CACNA2D1: variants seen among roughly 807,000 people sequenced by gnomAD.
CACNA2D1 encodes the protein calcium voltage-gated channel auxiliary subunit alpha2delta 1, also known as voltage-dependent calcium channel subunit alpha-2/delta-1.
A neutral mutation model predicts 171.5 loss-of-function variants in CACNA2D1; 53 were observed. That is an observed-to-expected ratio of 0.31 (90% CI 0.25 to 0.39). The LOEUF (loss-of-function observed/expected upper bound fraction) is 0.39. Among genes scored for constraint, CACNA2D1 ranks in the 10% least tolerant of loss-of-function variants. The pLI is 1.00. For missense variants in CACNA2D1, 903 were observed against 1,299.8 expected (o/e 0.69, Z 4.69); for synonymous variants, 442 against 443.1 (o/e 1.00, Z 0.03).
chr7:82,214,494 A>T (rs1800905525), intron 3 of CACNA2D1, among the ~76,000 whole-genome samples: 1 of 150,124 alleles, frequency 6.7e-6, no homozygotes, highest in South Asian at 2.1e-4. Flanking sequence ...TAAAAATCCC[A>T]GCAGCTGGGA....
At chr7:82,066,701 C>G (rs185323190) in intron 7 of CACNA2D1, among the ~76,000 whole-genome samples, 177 bp from the exon 8 acceptor site, 1 of 152,008 alleles carries the variant, frequency 6.6e-6, no homozygotes, top group Non-Finnish European at 1.5e-5. Flanking sequence ...GAAAACAACA[C>G]GGCAGTACAA....
intron 1 of CACNA2D1, among the ~76,000 whole-genome samples, chr7:82,374,374 C>T (rs978325): frequency 0.62 from 95,020 of 152,032 alleles, 30,260 homozygotes; most frequent in Middle Eastern, 0.74. Flanking sequence ...CAAATCAGAG[C>T]GTACAGACAC....
chr7:81,972,232 A>G (rs1004834006), intron 25 of CACNA2D1, among the ~76,000 whole-genome samples: 8 of 151,360 alleles, frequency 5.3e-5, no homozygotes, highest in Admixed American at 1.3e-4. Context: ...TTTAATGTAT[A>G]CACACATAAA....
chr7:82,078,896 T>A (rs1809339711), intron 7 of CACNA2D1, among the ~76,000 whole-genome samples: 1 of 148,904 alleles, frequency 6.7e-6, no homozygotes. Flanking sequence ...AGAAAGAGGG[T>A]GGAGAAAGAG....
At chr7:82,199,537 A>G (rs78958912) in intron 3 of CACNA2D1, among the ~76,000 whole-genome samples, 1 of 152,228 alleles carries the variant, frequency 6.6e-6, no homozygotes, top group East Asian at 1.9e-4. Flanking sequence ...TACAGAAACA[A>G]AGATTCTAAT....
chr7:82,354,219 C>T (rs1237199973), intron 1 of CACNA2D1, among the ~76,000 whole-genome samples: 1 of 152,138 alleles, frequency 6.6e-6, no homozygotes, highest in Non-Finnish European at 1.5e-5. Flanking sequence ...TCTGAAGGCT[C>T]CTGTGTCACA....
At chr7:82,200,922 C>T (rs562487269) in intron 3 of CACNA2D1, among the ~76,000 whole-genome samples, 2 of 152,240 alleles carry the variant, frequency 1.3e-5, no homozygotes, top group African/African-American at 4.8e-5. Context: ...ATAAGGCATG[C>T]GTGTGCATAT....
intron 31 of CACNA2D1, 37 bp from the exon 32 acceptor site, chr7:81,965,702 A>G: frequency 2.4e-6 from 3 of 1,263,350 alleles, no homozygotes; most frequent in Non-Finnish European, 3.5e-6. Flanking sequence ...ACATTTTTAG[A>G]AAGGTTAGGA....
intron 3 of CACNA2D1, among the ~76,000 whole-genome samples, chr7:82,250,147 T>TA (rs1384513026): frequency 1.3e-5 from 2 of 152,192 alleles, no homozygotes; most frequent in Admixed American, 6.5e-5. Context: ...ACATTGACAT[T>TA]AATCCATTCA....
chr7:82,160,407 A>C (rs747581425), intron 4 of CACNA2D1, among the ~76,000 whole-genome samples: 3 of 152,128 alleles, frequency 2.0e-5, no homozygotes, highest in Non-Finnish European at 4.4e-5. Context: ...TTGCTGATAA[A>C]ATTTAATCCA....
intron 3 of CACNA2D1, among the ~76,000 whole-genome samples, chr7:82,324,586 T>C (rs1016799450): frequency 1.3e-5 from 2 of 151,994 alleles, no homozygotes; most frequent in Non-Finnish European, 2.9e-5. Context: ...GGCCCCAAAT[T>C]CCTACCATTA....
At chr7:82,110,438 C>G (rs1015787537) in intron 6 of CACNA2D1, among the ~76,000 whole-genome samples, 2 of 152,144 alleles carry the variant, frequency 1.3e-5, no homozygotes, top group South Asian at 2.1e-4. Flanking sequence ...GGGCACCAAC[C>G]TGCACCTCGA....
chr7:82,325,812 G>C (rs145862494), intron 3 of CACNA2D1, among the ~76,000 whole-genome samples: 1 of 152,132 alleles, frequency 6.6e-6, no homozygotes, highest in African/African-American at 2.4e-5. Flanking sequence ...CATTTTGTTC[G>C]ATATTGTTTT....
In CACNA2D1 at chr7:82,149,790, A is replaced by AG. The variant is rs1793586555; in HGVS notation, c.355-13115_355-13114insC. Among the ~76,000 whole-genome samples, 3 of 144,532 alleles carry AG rather than the reference A, an allele frequency of 2.1e-5. 1 individual carries two copies. Among genetic ancestry groups the AG allele is most frequent in the Non-Finnish European group, 4.6e-5 (3 of 65,378 alleles). 94.8% of individuals were successfully genotyped at this position (144,532 alleles called of 152,430 possible). On this transcript the variant is annotated intron_variant, in intron 4 of 38. Coordinates refer to ENST00000356860, the MANE Select transcript of CACNA2D1 (RefSeq NM_000722.4). ...AAAAATACAAAAAAAAAACAAACAA[A>AG]CAACAAAAAAAAAAACATTAGCTGG...
chr7:82,435,238 T>A (rs1830024904), intron 1 of CACNA2D1, among the ~76,000 whole-genome samples: 1 of 152,004 alleles, frequency 6.6e-6, no homozygotes, highest in Admixed American at 6.6e-5. Context: ...GGTTTCACCG[T>A]GTTAGCCAGG....
rs538056596 is a variant in CACNA2D1, at chr7:82,279,407, T to C, written c.294+55728A>G. On this transcript the variant is annotated intron_variant, in intron 3 of 38. Transcript: ENST00000356860. Reference sequence around the variant, plus strand: ...AATTCAAATTTTAGGGAAAGACACATACTGCAAATTAAGAGGCCATCTATA... The same window carrying C: ...AATTCAAATTTTAGGGAAAGACACACACTGCAAATTAAGAGGCCATCTATA... 5.9e-5 allele frequency among the ~76,000 whole-genome samples: 9 copies of C among 152,302 alleles called. No individual in the cohort carries two copies. In the South Asian group the frequency reaches 1.7e-3, roughly 28 times the overall value.
chr7:82,236,391 A>G (rs1289929577), intron 3 of CACNA2D1, among the ~76,000 whole-genome samples: 2 of 152,054 alleles, frequency 1.3e-5, no homozygotes, highest in African/African-American at 4.8e-5. Context: ...ATAATATGGC[A>G]TCTGTATTCC....
At chr7:82,436,780 T>C (rs11970776) in intron 1 of CACNA2D1, among the ~76,000 whole-genome samples, 13,738 of 152,162 alleles carry the variant, frequency 0.09, 2,113 homozygotes, top group African/African-American at 0.31. Flanking sequence ...AAGAGATTTT[T>C]GCAGTCTGCC....
chr7:82,188,045 A>G (rs1797940074), intron 3 of CACNA2D1, among the ~76,000 whole-genome samples: 1 of 152,212 alleles, frequency 6.6e-6, no homozygotes, highest in Admixed American at 6.5e-5. Flanking sequence ...TAGAAGCCTC[A>G]GATGACAGAA....
Sources: gnomAD v4.1 joint callset for allele counts (sites outside exome capture counted in the v4.1 genomes callset) on GRCh38, gnomAD v4.1.1 for gene constraint, MANE v1.5 for transcripts, NCBI Gene and HGNC (gene_info 2026-07-23, HGNC 2026-07-21) for gene names.